HDAC9: variants seen among roughly 807,000 people sequenced by gnomAD.
The protein encoded by HDAC9 is MEF-2 interacting transcription repressor (MITR) protein.
In HDAC9, 41 loss-of-function variants were observed where a neutral mutation model predicts 139.4. The observed-to-expected ratio is 0.29, with a 90% confidence interval of 0.23 to 0.38. HDAC9 has a LOEUF of 0.38. Ranked by LOEUF, HDAC9 falls within the 10% of genes least tolerant of loss-of-function variation. The pLI, the probability that HDAC9 is intolerant of heterozygous loss-of-function variation, is 1.00. For missense variants in HDAC9, 1,147 were observed against 1,297.0 expected (o/e 0.88, Z 1.78); for synonymous variants, 517 against 476.2 (o/e 1.09, Z -1.12).
At chr7:18,875,409 A>G (rs545779079) in intron 22 of HDAC9, among the ~76,000 whole-genome samples, 29 of 152,272 alleles carry the variant, frequency 1.9e-4, no homozygotes, top group African/African-American at 7.0e-4. Flanking sequence ...ACAACAACAA[A>G]AAACCCAAAT....
At chr7:18,885,065 C>T (rs1349337499) in intron 22 of HDAC9, among the ~76,000 whole-genome samples, 1 of 152,176 alleles carries the variant, frequency 6.6e-6, no homozygotes, top group Non-Finnish European at 1.5e-5. Flanking sequence ...TCAAGCAATA[C>T]GTTGGGAATT....
Position 18,136,622 on chromosome 7 carries a change from G to A in HDAC9, c.-96-25607G>A, listed in dbSNP as rs575357316. ...AAAGATCAGATAGCTGTAGATATGC[G>A]GTGTTATTTCTGAGGGCTCTGTTGT... is the stretch of plus-strand genomic sequence containing the variant. On this transcript the variant is annotated intron_variant, in intron 1 of 12. Transcript: ENST00000417496. Among the ~76,000 whole-genome samples, 210 of 152,188 alleles carry A rather than the reference G, an allele frequency of 1.4e-3. 1 individual carries two copies. The highest frequency in any genetic ancestry group is 4.7e-3 in the African/African-American group (194 of 41,514).
At chr7:18,619,929 A>G (rs1479534162) in intron 6 of HDAC9, among the ~76,000 whole-genome samples, 2 of 152,022 alleles carry the variant, frequency 1.3e-5, no homozygotes, top group African/African-American at 4.8e-5. Context: ...AAGCAAATGA[A>G]TGTCTGCCTT....
chr7:18,495,150 A>C (rs1256374951), upstream of HDAC9, among the ~76,000 whole-genome samples: 2 of 152,062 alleles, frequency 1.3e-5, no homozygotes, highest in Non-Finnish European at 2.9e-5. Flanking sequence ...ATCTCCTGTT[A>C]GTCCTGAAAC....
intron 13 of HDAC9, among the ~76,000 whole-genome samples, chr7:18,735,855 C>T (rs553795754): frequency 3.0e-4 from 46 of 152,314 alleles, no homozygotes; most frequent in South Asian, 2.1e-3. Context: ...ATTGGTTCTT[C>T]CTAACCATGA....
Position 18,998,713 on chromosome 7 carries a change from G to C in HDAC9, c.*2651G>C, listed in dbSNP as rs1786598818. On this transcript the variant is annotated 3_prime_UTR_variant, in exon 26 of 26. Transcript: ENST00000686413. Reference sequence around the variant, plus strand: ...TATTGCTCGCAGTTGTTCTGAATGAGAGGCTAGAAGAGTATTATCAATTTT... The same window carrying C: ...TATTGCTCGCAGTTGTTCTGAATGACAGGCTAGAAGAGTATTATCAATTTT... 6.6e-6 allele frequency: 1 copy of C among 152,186 alleles called. No individual in the cohort carries two copies. Among genetic ancestry groups the C allele is most frequent in the African/African-American group, 2.4e-5 (1 of 41,432 alleles). The allele number at this position is 152,186 out of a possible 1,614,324, so 9.4% of individuals were successfully genotyped here.
At chr7:18,172,859 C>G (rs1019900913) in intron 2 of HDAC9, among the ~76,000 whole-genome samples, 1 of 152,168 alleles carries the variant, frequency 6.6e-6, no homozygotes, top group Non-Finnish European at 1.5e-5. Flanking sequence ...CTGAGGAGTG[C>G]TTTACTTCCA....
chr7:18,936,297 C>A (rs1215327657), intron 23 of HDAC9, among the ~76,000 whole-genome samples: 1 of 151,570 alleles, frequency 6.6e-6, no homozygotes, highest in Non-Finnish European at 1.5e-5. Flanking sequence ...GAAAAAAAAA[C>A]TGTTTTAAAA....
chr7:18,521,633 G>C (rs2128216383), intron 2 of HDAC9, among the ~76,000 whole-genome samples: 1 of 152,088 alleles, frequency 6.6e-6, no homozygotes, highest in African/African-American at 2.4e-5. Context: ...GTATGCTGTT[G>C]TTTTCTCAAG....
intron 1 of HDAC9, among the ~76,000 whole-genome samples, chr7:18,464,037 G>C (rs1052793159): frequency 4.6e-5 from 7 of 151,806 alleles, no homozygotes; most frequent in Non-Finnish European, 1.0e-4. Flanking sequence ...CATTTACTGA[G>C]GGAAATATGT....
chr7:18,678,172 A>G (rs944196756), intron 12 of HDAC9, among the ~76,000 whole-genome samples: 3 of 151,884 alleles, frequency 2.0e-5, no homozygotes, highest in African/African-American at 4.8e-5. Context: ...CTTTACACCA[A>G]TACCACAGAA....
At chr7:18,931,609 A>T (rs1390289849) in intron 22 of HDAC9, among the ~76,000 whole-genome samples, 1 of 152,172 alleles carries the variant, frequency 6.6e-6, no homozygotes, top group Non-Finnish European at 1.5e-5. Context: ...CTAGACCAGA[A>T]GGGAAAATCT....
At chr7:18,932,732 A>G (rs187824953) in intron 22 of HDAC9, among the ~76,000 whole-genome samples, 1 of 152,084 alleles carries the variant, frequency 6.6e-6, no homozygotes, top group Non-Finnish European at 1.5e-5. Flanking sequence ...TTTGCCACCA[A>G]TAAAGGGAAT....
intron 2 of HDAC9, among the ~76,000 whole-genome samples, chr7:18,216,071 A>T (rs1185734433): frequency 1.3e-5 from 2 of 150,956 alleles, no homozygotes; most frequent in Non-Finnish European, 3.0e-5. Context: ...TGTATGCAGC[A>T]TGAAATGTAT....
At chr7:18,700,416 C>T (rs169871) in intron 12 of HDAC9, among the ~76,000 whole-genome samples, 2,496 of 152,238 alleles carry the variant, frequency 0.016, 78 homozygotes, top group African/African-American at 0.058. Flanking sequence ...ATTTAGTTTC[C>T]CAGAAGTAAC....
intron 12 of HDAC9, among the ~76,000 whole-genome samples, chr7:18,690,443 G>A (rs1442909596): frequency 1.1e-4 from 16 of 151,972 alleles, no homozygotes; most frequent in Non-Finnish European, 7.4e-5. Flanking sequence ...GTGTCTGTGA[G>A]CATAACTTTT....
chr7:18,106,506 G>A (rs1783215155), intron 1 of HDAC9, among the ~76,000 whole-genome samples: 1 of 151,900 alleles, frequency 6.6e-6, no homozygotes, highest in Admixed American at 6.6e-5. Context: ...AGGCTGGAGT[G>A]CAGTGGTGCG....
intron 6 of HDAC9, among the ~76,000 whole-genome samples, chr7:18,621,158 A>G (rs1367042341): frequency 1.3e-5 from 2 of 152,012 alleles, no homozygotes; most frequent in Non-Finnish European, 2.9e-5. Context: ...AGTGAAAAAC[A>G]TAATAAATGC....
At chr7:18,938,230 C>CAA (rs71553939) in intron 23 of HDAC9, among the ~76,000 whole-genome samples, 3,974 of 73,328 alleles carry the variant, frequency 0.054, 252 homozygotes, top group African/African-American at 0.06. Context: ...GACTCCGTCT[C>CAA]AAAAAAAAAA....
Sources: allele counts gnomAD v4.1 joint callset (sites outside exome capture counted in the v4.1 genomes callset), GRCh38; gene constraint gnomAD v4.1.1; transcripts MANE v1.5; gene names NCBI Gene and HGNC (gene_info 2026-07-23, HGNC 2026-07-21).